Variants in FHIP2A observed in about 807,000 individuals in gnomAD.
FHIP2A encodes the protein FHF complex subunit HOOK interacting protein 2A.
In FHIP2A, 46 loss-of-function variants were observed where a neutral mutation model predicts 93.5. That is an observed-to-expected ratio of 0.49 (90% CI 0.39 to 0.63). FHIP2A has a LOEUF of 0.63. FHIP2A is among the 20% of genes least tolerant of loss of function. FHIP2A has a pLI of 0.00. For missense variants in FHIP2A, 769 were observed against 909.7 expected, an observed-to-expected ratio of 0.85 and a Z score of 1.99; for synonymous variants, 332 against 326.5, an observed-to-expected ratio of 1.02 and a Z score of -0.18.
chr10:114,854,428 G>A (rs979592599), intron 13 of FHIP2A, among the ~76,000 whole-genome samples: 1 of 151,886 alleles, frequency 6.6e-6, no homozygotes, highest in African/African-American at 2.4e-5. Context: ...GGAGGCGGAG[G>A]TTGTGGTGAG....
rs984540951 is a variant in FHIP2A at position 114,843,640 on chromosome 10, T to C, written c.817-101T>C. ...TTTAAAATAGACAAAAATCTATTTT[T>C]CTTTTAGTGTGAAACATTAAATCCT... On this transcript the variant is annotated intron_variant, in intron 6 of 16. Coordinates refer to ENST00000369248, the MANE Select transcript of FHIP2A (RefSeq NM_020940.4). The C allele has an allele frequency of 1.8e-5, 16 of 907,910 alleles. No homozygotes were observed. The African/African-American group carries it at 2.7e-4, about 16-fold the overall frequency. 56.2% of individuals were successfully genotyped at this position (907,910 alleles called of 1,614,324 possible).
At chr10:114,898,484 TCTC>T (rs1340503990) in intron 16 of FHIP2A, among the ~76,000 whole-genome samples, 1 of 151,990 alleles carries the variant, frequency 6.6e-6, no homozygotes, top group African/African-American at 2.4e-5. Flanking sequence ...TCAACAAACT[TCTC>T]CTCTATCTAC....
Position 114,861,341 on chromosome 10 carries a change from T to C in FHIP2A, c.2192+7T>C, listed in dbSNP as rs1323670980. Reference sequence around the variant, plus strand: ...TGGAACCTGAAGGCCCTATGTAAGTTAGTGTTTTACATTTTTTTAATCCAA... The same window carrying C: ...TGGAACCTGAAGGCCCTATGTAAGTCAGTGTTTTACATTTTTTTAATCCAA... On this transcript the variant is annotated splice_region_variant and intron_variant, in intron 16 of 16. Coordinates refer to ENST00000369248, the MANE Select transcript of FHIP2A (RefSeq NM_020940.4). 1 of 1,613,942 alleles carries C rather than the reference T, an allele frequency of 6.2e-7. No individual in the cohort carries two copies. Among genetic ancestry groups the C allele is most frequent in the Non-Finnish European group, 8.5e-7 (1 of 1,179,964 alleles).
chr10:114,835,787 A>T, intron 4 of FHIP2A, 146 bp downstream of exon 4: 1 of 556,046 alleles, frequency 1.8e-6, no homozygotes, highest in Non-Finnish European at 3.1e-6. Context: ...TTCTTTATGC[A>T]TCACATAGCA....
intron 16 of FHIP2A, among the ~76,000 whole-genome samples, chr10:114,870,382 A>T (rs564970915): frequency 4.0e-5 from 6 of 150,404 alleles, no homozygotes; most frequent in East Asian, 1.9e-4. Context: ...TTTTAAATAA[A>T]ATATATATAT....
At position 114,862,063 on chromosome 10, in the gene FHIP2A, A is replaced by G. The variant is rs918081200; in HGVS notation, c.*523A>G. ...ATACAATTCAGAAACCATTGAATGA[A>G]TTAATTATAGGCGATAAAAATGTGT... On this transcript the variant is annotated 3_prime_UTR_variant, in exon 17 of 17. Coordinates refer to ENST00000369248, the MANE Select transcript of FHIP2A (RefSeq NM_020940.4). 3.1e-6 allele frequency: 3 copies of G among 965,456 alleles called. No homozygotes were observed. Among genetic ancestry groups the G allele is most frequent in the Non-Finnish European group, 3.7e-6 (3 of 811,520 alleles). 59.8% of individuals were successfully genotyped at this position (965,456 alleles called of 1,614,324 possible).
intron 8 of FHIP2A, 113 bp from the exon 9 acceptor site, chr10:114,845,900 A>C (rs1220467507): frequency 1.3e-6 from 1 of 786,100 alleles, no homozygotes; most frequent in Non-Finnish European, 2.1e-6. Context: ...GTCATTAGGC[A>C]AGTTTTGTCT....
chr10:114,827,205 C>T (rs746211815), intron 1 of FHIP2A, among the ~76,000 whole-genome samples: 1 of 152,144 alleles, frequency 6.6e-6, no homozygotes, highest in Non-Finnish European at 1.5e-5. Flanking sequence ...AGAGTTTGAG[C>T]AAAATAGGTT....
intron 1 of FHIP2A, among the ~76,000 whole-genome samples, chr10:114,826,903 A>G (rs1055741661): frequency 1.3e-5 from 2 of 152,210 alleles, no homozygotes; most frequent in African/African-American, 4.8e-5. Flanking sequence ...CTGAGACAGG[A>G]GAATCGCTTG....
intron 12 of FHIP2A, among the ~76,000 whole-genome samples, chr10:114,847,905 G>A (rs1184392713): frequency 6.6e-6 from 1 of 151,952 alleles, no homozygotes; most frequent in African/African-American, 2.4e-5. Context: ...TGGCTACTAC[G>A]ACTTGACCTC....
At chr10:114,892,365 G>A (rs1044028742) in intron 16 of FHIP2A, among the ~76,000 whole-genome samples, 1 of 152,172 alleles carries the variant, frequency 6.6e-6, no homozygotes, top group African/African-American at 2.4e-5. Context: ...TAATAATGAA[G>A]ACCGGGTGCG....
chr10:114,873,634 C>G (rs2083869652), intron 16 of FHIP2A, among the ~76,000 whole-genome samples: 1 of 152,174 alleles, frequency 6.6e-6, no homozygotes, highest in Non-Finnish European at 1.5e-5. Context: ...TATATCAATA[C>G]AAACTCATGG....
intron 16 of FHIP2A, among the ~76,000 whole-genome samples, chr10:114,882,726 T>G (rs1232881394): frequency 6.6e-6 from 1 of 151,976 alleles, no homozygotes; most frequent in Non-Finnish European, 1.5e-5. Flanking sequence ...TACAAAAAAA[T>G]TAGCCAGGCA....
At chr10:114,850,125 T>C (rs2083726068) in intron 13 of FHIP2A, among the ~76,000 whole-genome samples, 1 of 152,222 alleles carries the variant, frequency 6.6e-6, no homozygotes, top group Non-Finnish European at 1.5e-5. Context: ...ATATGCTTAG[T>C]AGTAAAATTG....
intron 2 of FHIP2A, among the ~76,000 whole-genome samples, chr10:114,831,612 G>A (rs1224848764): frequency 4.6e-5 from 7 of 152,300 alleles, no homozygotes; most frequent in African/African-American, 1.4e-4. Flanking sequence ...CTTACAAATC[G>A]TCTTTTACTA....
chr10:114,871,413 C>T (rs2083859695), intron 16 of FHIP2A, among the ~76,000 whole-genome samples: 1 of 152,104 alleles, frequency 6.6e-6, no homozygotes, highest in Non-Finnish European at 1.5e-5. Context: ...GACCAGAGTT[C>T]TACATTTCTA....
In FHIP2A at chr10:114,862,226, T is replaced by C; in HGVS notation, c.*686T>C. The C allele has an allele frequency of 1.0e-6, 1 of 983,448 alleles. No individual in the cohort carries two copies. The highest frequency in any genetic ancestry group is 1.2e-6 in the Non-Finnish European group (1 of 827,742). 60.9% of individuals were successfully genotyped at this position (983,448 alleles called of 1,614,324 possible). A position where few individuals can be genotyped will look rare whatever the true frequency, so the allele number is the denominator to read the frequency against. ...GCACATAGCCATGTTAGTGATTTTC[T>C]TCATGTGTGGGTCCCAGTTTATTTA... is the stretch of plus-strand genomic sequence containing the variant. On this transcript the variant is annotated 3_prime_UTR_variant, in exon 17 of 17. Transcript: ENST00000369248.
downstream of FHIP2A, among the ~76,000 whole-genome samples, chr10:114,866,882 T>C (rs984096434): frequency 2.6e-5 from 4 of 152,368 alleles, no homozygotes; most frequent in East Asian, 7.7e-4. Context: ...ATAGTCTTAC[T>C]TTTGAGATAT....
At chr10:114,825,176 C>T (rs539188424) in intron 1 of FHIP2A, among the ~76,000 whole-genome samples, 1 of 152,236 alleles carries the variant, frequency 6.6e-6, no homozygotes, top group African/African-American at 2.4e-5. Context: ...CACCACCACA[C>T]TCAATTTTTA....
Sources: allele counts gnomAD v4.1 joint callset (sites outside exome capture counted in the v4.1 genomes callset), GRCh38; gene constraint gnomAD v4.1.1; transcripts MANE v1.5; gene names NCBI Gene and HGNC (gene_info 2026-07-23, HGNC 2026-07-21).